The following SLC5A10 variants were observed in gnomAD, a reference collection of about 807,000 sequenced individuals.
SLC5A10 encodes the protein sodium/mannose cotransporter SLC5A10.
Under a neutral mutation model 68.9 loss-of-function variants are expected in SLC5A10, and 55 were observed. The observed-to-expected ratio is 0.80, with a 90% CI of 0.64 to 1.00. The LOEUF (loss-of-function observed/expected upper bound fraction) is 1.00. Among genes scored for constraint, SLC5A10 ranks in the 50% least tolerant of loss-of-function variants. The probability of loss-of-function intolerance (pLI) is 0.00; values close to 1 mark genes in which losing one functional copy is unlikely to be tolerated. For missense variants in SLC5A10, 732 were observed against 819.3 expected (o/e 0.89, Z 1.30); for synonymous variants, 344 against 344.8 (o/e 1.00, Z 0.02).
intron 9 of SLC5A10, among the ~76,000 whole-genome samples, chr17:18,999,459 T>C (rs1425318742): frequency 2.6e-5 from 4 of 152,004 alleles, no homozygotes; most frequent in African/African-American, 9.7e-5. Flanking sequence ...CCTCCAGATA[T>C]CAGTTCTGTG....
In SLC5A10 at chr17:18,985,100, G is replaced by T. The variant is rs558891940; in HGVS notation, c.982+8111G>T. Among the ~76,000 whole-genome samples the T allele has an allele frequency of 3.9e-5, 6 of 152,198 alleles. No individual in the cohort carries two copies. In the South Asian group the frequency reaches 1.2e-3, roughly 31 times the overall value. ...GGGTGAACCACAGCCAGACCCTGGC[G>T]CAGAGGGAAAGAAAGCCGCTCAGCA... On this transcript the variant is annotated intron_variant, in intron 9 of 14. Coordinates refer to ENST00000395645, the MANE Select transcript of SLC5A10 (RefSeq NM_001042450.4).
chr17:18,950,825 C>G (rs536839612), upstream of SLC5A10: 1 of 314,350 alleles, frequency 3.2e-6, no homozygotes, highest in Non-Finnish European at 4.6e-6. Flanking sequence ...AAGCAATTCT[C>G]CTGCCTCAGC....
At chr17:18,959,959 G>C (rs1215833341) in intron 4 of SLC5A10, among the ~76,000 whole-genome samples, 1 of 152,088 alleles carries the variant, frequency 6.6e-6, no homozygotes, top group Non-Finnish European at 1.5e-5. Flanking sequence ...GGGCACATAG[G>C]CTGTACAACT....
chr17:18,962,747 A>G (rs2042636477), intron 5 of SLC5A10, among the ~76,000 whole-genome samples: 1 of 151,970 alleles, frequency 6.6e-6, no homozygotes, highest in South Asian at 2.1e-4. Flanking sequence ...GAGGTGAGAG[A>G]GACAAGAGGA....
chr17:18,958,827 A>G (rs1403003572), intron 2 of SLC5A10, 74 bp downstream of exon 2: 2 of 1,541,836 alleles, frequency 1.3e-6, no homozygotes, highest in African/African-American at 2.7e-5. Context: ...GTCACCTGGC[A>G]TCTGTATCTT....
intron 5 of SLC5A10, 44 bp downstream of exon 5, chr17:18,960,696 G>C (rs561582821): frequency 3.2e-6 from 5 of 1,564,678 alleles, no homozygotes; most frequent in Non-Finnish European, 4.4e-6. Flanking sequence ...TGGAAACATC[G>C]CCAATCTGTG....
chr17:18,958,795 T>G (rs1188271768), intron 2 of SLC5A10, 42 bp downstream of exon 2: 1 of 1,605,926 alleles, frequency 6.2e-7, no homozygotes, highest in Admixed American at 1.7e-5. Flanking sequence ...ACTTTGTCCG[T>G]GGGGCTGTGT....
intron 10 of SLC5A10, among the ~76,000 whole-genome samples, chr17:19,013,841 C>A (rs567188905): frequency 6.6e-6 from 1 of 152,020 alleles, no homozygotes; most frequent in East Asian, 1.9e-4. Flanking sequence ...GGGCTGACAC[C>A]GAGCCATTGT....
Position 19,020,230 on chromosome 17 carries a change from G to A in SLC5A10, c.1684+18G>A. 5.6e-6 allele frequency: 9 copies of A among 1,613,572 alleles called. No individual in the cohort carries two copies. Among genetic ancestry groups the A allele is most frequent in the Non-Finnish European group, 6.8e-6 (8 of 1,179,842 alleles). On this transcript the variant is annotated intron_variant, in intron 14 of 14. Transcript: ENST00000395645. Reference sequence around the variant, plus strand: ...TAAAGCAGGTAAGTGGATGACCCTAGGCACTCCTCCACCTTGACCCTGGCC... The same window carrying A: ...TAAAGCAGGTAAGTGGATGACCCTAAGCACTCCTCCACCTTGACCCTGGCC...
intron 9 of SLC5A10, among the ~76,000 whole-genome samples, chr17:18,984,985 G>A (rs956786141): frequency 6.6e-6 from 1 of 152,238 alleles, no homozygotes; most frequent in Non-Finnish European, 1.5e-5. Context: ...CTCACCTGGG[G>A]ACCAGGAGTG....
chr17:18,978,990 T>G, intron 9 of SLC5A10: 2 of 942,674 alleles, frequency 2.1e-6, no homozygotes, highest in Non-Finnish European at 3.1e-6. Context: ...AGAGAGCAGG[T>G]GCATACTGTG....
intron 9 of SLC5A10, among the ~76,000 whole-genome samples, chr17:18,985,088 C>T (rs192847654): frequency 6.6e-6 from 1 of 152,282 alleles, no homozygotes; most frequent in East Asian, 1.9e-4. Context: ...TGAACCACAG[C>T]CAGACCCTGG....
chr17:18,981,465 G>T (rs2043131211), intron 9 of SLC5A10, among the ~76,000 whole-genome samples: 1 of 152,182 alleles, frequency 6.6e-6, no homozygotes, highest in African/African-American at 2.4e-5. Flanking sequence ...GGGGTTGGGT[G>T]TGTATCTCAG....
At chr17:18,986,911 T>G (rs2043283739) in intron 9 of SLC5A10, among the ~76,000 whole-genome samples, 1 of 152,338 alleles carries the variant, frequency 6.6e-6, no homozygotes, top group Middle Eastern at 3.4e-3. Context: ...TATCTGCCAC[T>G]GGAATCGATT....
chr17:18,984,042 G>T (rs925636251), intron 9 of SLC5A10, among the ~76,000 whole-genome samples: 1 of 152,108 alleles, frequency 6.6e-6, no homozygotes, highest in African/African-American at 2.4e-5. Flanking sequence ...AATCCCCCCC[G>T]TTTGAGAACC....
intron 9 of SLC5A10, among the ~76,000 whole-genome samples, chr17:18,987,725 T>C (rs1447894879): frequency 6.6e-6 from 1 of 152,326 alleles, no homozygotes; most frequent in African/African-American, 2.4e-5. Flanking sequence ...TCACTTCAAC[T>C]GTGCAGCCAT....
At position 19,017,501 on chromosome 17, in the gene SLC5A10, G is replaced by A; in HGVS notation, c.1242-1922G>A. Reference sequence around the variant, plus strand: ...AGAGGAGGCCATCGCAGGGCCGGGTGCAGTACCATGCCGGTGACCCTGATG... The same window carrying A: ...AGAGGAGGCCATCGCAGGGCCGGGTACAGTACCATGCCGGTGACCCTGATG... On this transcript the variant is annotated intron_variant, in intron 11 of 14. Coordinates refer to ENST00000395645, the MANE Select transcript of SLC5A10 (RefSeq NM_001042450.4). The surrounding 1 kb of genome is among the most constrained non-coding windows in gnomAD (Gnocchi z 5.6). The A allele has an allele frequency of 2.0e-6, 2 of 1,014,022 alleles. No individual in the cohort carries two copies. The highest frequency in any genetic ancestry group is 3.0e-6 in the Non-Finnish European group (2 of 675,286). 62.8% of individuals were successfully genotyped at this position (1,014,022 alleles called of 1,614,324 possible).
At chr17:18,994,794 T>C (rs145633017) in intron 9 of SLC5A10, among the ~76,000 whole-genome samples, 1 of 152,320 alleles carries the variant, frequency 6.6e-6, no homozygotes, top group East Asian at 1.9e-4. Context: ...TTAAGGGCCA[T>C]ATGTTCTCTG....
rs566222612 is a variant in SLC5A10, at chr17:18,996,804, T to A, written c.983-16606T>A. ...TTTTCTCCTAATGGGGGACCCTGTG[T>A]CCATTCCAACCTCTGAACCCACCCA... On this transcript the variant is annotated intron_variant, in intron 9 of 14. Coordinates refer to ENST00000395645, the MANE Select transcript of SLC5A10 (RefSeq NM_001042450.4). The surrounding 1 kb of genome is among the most constrained non-coding windows in gnomAD (Gnocchi z 4.4). Among the ~76,000 whole-genome samples, 16 of 152,274 alleles carry A rather than the reference T, an allele frequency of 1.1e-4. No homozygotes were observed. The South Asian group carries it at 3.3e-3, about 32-fold the overall frequency.
Sources: gnomAD v4.1 joint callset for allele counts (sites outside exome capture counted in the v4.1 genomes callset) on GRCh38, gnomAD v4.1.1 for gene constraint, Gnocchi (gnomAD v3.1) non-coding constraint, MANE v1.5 for transcripts, NCBI Gene and HGNC (gene_info 2026-07-23, HGNC 2026-07-21) for gene names.